LTBP4: variants seen among roughly 807,000 people sequenced by gnomAD.
The protein encoded by LTBP4 is latent-transforming growth factor beta-binding protein 4.
LTBP4 carries 93 observed loss-of-function variants against 180.2 expected under a neutral mutation model. The ratio of observed to expected loss-of-function variants is 0.52; its 90% CI spans 0.44 to 0.61. The LOEUF is 0.61. LTBP4 is among the 20% of genes least tolerant of loss of function. The pLI is 0.00. For missense variants in LTBP4, 2,116 were observed against 2,256.5 expected, an observed-to-expected ratio of 0.94 and a Z score of 1.26; for synonymous variants, 947 against 934.5, an observed-to-expected ratio of 1.01 and a Z score of -0.24.
upstream of LTBP4, among the ~76,000 whole-genome samples, chr19:40,598,163 C>A (rs1037662601): frequency 6.6e-6 from 1 of 151,808 alleles, no homozygotes; most frequent in Non-Finnish European, 1.5e-5. Flanking sequence ...ACAAAGGCCC[C>A]GGGCTCCTCT....
In LTBP4 at chr19:40,627,204, C is replaced by T. The variant is rs762549193; in HGVS notation, c.4215C>T (p.Asp1405=). ...REAPYGAPRF[D]MPDFEDDGGP... ...CTCCTTATGGGGCACCCCGCTTCGA[C>T]ATGCCAGACTTTGAGGACGATGGTG... is the stretch of plus-strand genomic sequence containing the variant. The change falls in exon 28 of 30, where the codon GAC becomes GAT. Residue 1405 remains aspartate (D), a synonymous_variant. Coordinates refer to ENST00000396819, the MANE Select transcript of LTBP4 (RefSeq NM_001042545.2). The T allele has an allele frequency of 2.3e-5, 37 of 1,610,948 alleles. No homozygotes were observed. In the East Asian group the frequency reaches 4.0e-4, roughly 17 times the overall value.
At chr19:40,612,948 C>A (rs1465202677) in intron 15 of LTBP4, 117 bp from the exon 16 acceptor site, 25 of 1,027,044 alleles carry the variant, frequency 2.4e-5, no homozygotes, top group Non-Finnish European at 3.5e-5. Flanking sequence ...ATAGAGCCCT[C>A]CCCCAGCCTC....
chr19:40,616,499 G>A lies in LTBP4; in HGVS notation c.2813-390G>A, dbSNP rs115124712. On this transcript the variant is annotated intron_variant, in intron 19 of 29. Transcript: ENST00000396819. ...TGTAATCCTAGGACTTGAGGAGGCC[G>A]AGGTGGACAGATCGCTTGAGGTCAG... Among the ~76,000 whole-genome samples the A allele has an allele frequency of 6.6e-3, 1,005 of 152,074 alleles. 12 individuals are homozygous for A. The highest frequency in any genetic ancestry group is 0.023 in the African/African-American group (973 of 41,500).
At chr19:40,619,988 G>C (rs2081574922) in intron 22 of LTBP4, among the ~76,000 whole-genome samples, 1 of 152,196 alleles carries the variant, frequency 6.6e-6, no homozygotes, top group African/African-American at 2.4e-5. Flanking sequence ...AAATGAGCCA[G>C]GCCCGATGAG....
At chr19:40,607,284 C>G (rs2081469973) in intron 6 of LTBP4, 81 bp from the exon 7 acceptor site, 1 of 259,580 alleles carries the variant, frequency 3.9e-6, no homozygotes, top group Non-Finnish European at 6.7e-6. Flanking sequence ...AACCCCAGAA[C>G]CATTCCCCTC....
intron 19 of LTBP4, among the ~76,000 whole-genome samples, chr19:40,615,716 G>A (rs1315483409): frequency 4.6e-5 from 7 of 152,082 alleles, no homozygotes; most frequent in African/African-American, 9.7e-5. Flanking sequence ...CCGAGATCGC[G>A]CCACTGCACT....
chr19:40,606,633 G>C, intron 6 of LTBP4, 107 bp downstream of exon 6: 1 of 1,415,254 alleles, frequency 7.1e-7, no homozygotes, highest in Non-Finnish European at 9.5e-7. Context: ...AGACTCCCGG[G>C]TTCCTCTGTC....
rs2081462333 is a variant in LTBP4 at position 40,606,424 on chromosome 19, G to C, written c.889G>C (p.Gly297Arg). ...GGCAGATGTGGATGAGTGCGCGACT[G>C]GCGGGCGCTGCCAGCACGGCGAGTG... Reference protein sequence around the residue: ...SCEDVDECATGGRCQHGECAN... With the variant: ...SCEDVDECATRGRCQHGECAN... The change falls in exon 6 of 30, where the codon GGC becomes CGC. Residue 297 changes from glycine to arginine, a missense_variant. This residue lies in a region of LTBP4 where 469 missense variants were observed against 532.5 expected (regional missense o/e 0.88). Transcript: ENST00000396819. 1 of 1,595,712 alleles carries C rather than the reference G, an allele frequency of 6.3e-7. No homozygotes were observed. Among genetic ancestry groups the C allele is most frequent in the Non-Finnish European group, 8.5e-7 (1 of 1,170,722 alleles).
In LTBP4 at chr19:40,607,516, A is replaced by T; in HGVS notation, c.1143A>T (p.Pro381=). The T allele has an allele frequency of 1.2e-6, 2 of 1,609,802 alleles. No homozygotes were observed. Among genetic ancestry groups the T allele is most frequent in the South Asian group, 2.2e-5 (2 of 90,474 alleles). ...GGGGCCGGGGCTGCCAGCTCTGCCCACCCTTCGGCTCAGGTGAGCCCCTGC... is the reference window on the plus strand; with the variant it reads ...GGGGCCGGGGCTGCCAGCTCTGCCCTCCCTTCGGCTCAGGTGAGCCCCTGC... The part of the protein sequence containing the change: ...KAWGRGCQLC[P]PFGSEGFREI... The change falls in exon 7 of 30, where the codon CCA becomes CCT. Residue 381 remains proline (P), a synonymous_variant. Coordinates refer to ENST00000396819, the MANE Select transcript of LTBP4 (RefSeq NM_001042545.2).
chr19:40,609,987 C>G lies in LTBP4; in HGVS notation c.1684+116C>G. ...CCTCTCGGGTCCCGCCCCAGGACTG[C>G]TCTGCCCTGGCCCTTGGCCCTGCCC... On this transcript the variant is annotated intron_variant, in intron 11 of 29. Coordinates refer to ENST00000396819, the MANE Select transcript of LTBP4 (RefSeq NM_001042545.2). This position sits in a 1 kb window ranked among gnomAD's most constrained non-coding sequence, Gnocchi z 4.9. The G allele has an allele frequency of 7.3e-7, 1 of 1,363,118 alleles. No individual in the cohort carries two copies. Among genetic ancestry groups the G allele is most frequent in the South Asian group, 1.5e-5 (1 of 66,140 alleles). The allele number at this position is 1,363,118 out of a possible 1,614,324, so 84.4% of individuals were successfully genotyped here.
In LTBP4 at chr19:40,609,857, C is replaced by T. The variant is rs1382344924; in HGVS notation, c.1670C>T (p.Ala557Val). ...CGPGFRAGPR[A>V]AECLDVDECH... is the part of the protein sequence containing the mutation. ...CCGGGCTTCCGAGCCGGCCCACGGG[C>T]TGCGGAATGCCTGGGTGAGAAATTT... is the stretch of plus-strand genomic sequence containing the variant. Residue 557 changes from alanine to valine, a missense_variant, in exon 11 of 30, where the codon GCT (alanine) becomes GTT (valine). By Grantham distance (64) the Ala-to-Val change is moderately conservative (BLOSUM62 0). Around this residue, in one of 5 missense-constraint regions of LTBP4, gnomAD observed 877 missense variants for 873.6 expected, o/e 1.00. Coordinates refer to ENST00000396819, the MANE Select transcript of LTBP4 (RefSeq NM_001042545.2). This position sits in a 1 kb window ranked among gnomAD's most constrained non-coding sequence, Gnocchi z 4.9. The T allele has an allele frequency of 1.9e-6, 3 of 1,579,272 alleles. No individual in the cohort carries two copies. Among genetic ancestry groups the T allele is most frequent in the Middle Eastern group, 1.9e-4 (1 of 5,348 alleles).
chr19:40,612,391 C>T (rs2081514405), intron 15 of LTBP4, among the ~76,000 whole-genome samples, 199 bp downstream of exon 15: 1 of 152,186 alleles, frequency 6.6e-6, no homozygotes, highest in Non-Finnish European at 1.5e-5. Context: ...TTGACAGTAA[C>T]ATTTGACCCT....
upstream of LTBP4, chr19:40,599,884 C>T (rs1034097729): frequency 8.2e-6 from 4 of 487,932 alleles, no homozygotes; most frequent in African/African-American, 4.0e-5. Flanking sequence ...CAACCCCCAT[C>T]ATCTCTCTTT....
At position 40,611,278 on chromosome 19, in the gene LTBP4, A is replaced by T; in HGVS notation, c.1937A>T (p.Glu646Val). Residue 646 changes from glutamate (E) to valine (V), a missense_variant, in exon 13 of 30, where the codon GAG becomes GTG. Glu to Val is a moderately radical substitution (Grantham distance 121, BLOSUM62 -2). Around this residue, in one of 5 missense-constraint regions of LTBP4, gnomAD observed 877 missense variants for 873.6 expected, o/e 1.00. Transcript: ENST00000396819. The surrounding 1 kb of genome is among the most constrained non-coding windows in gnomAD (Gnocchi z 4.4). Reference sequence around the variant, plus strand: ...TCGGCGTGTGAAGAGGATGTGGATGAGTGTGCCCAGGAGCCGCCGCCCTGT... The same window carrying T: ...TCGGCGTGTGAAGAGGATGTGGATGTGTGTGCCCAGGAGCCGCCGCCCTGT... ...RGSACEEDVDECAQEPPPCGP... is the reference protein window; with the variant it reads ...RGSACEEDVDVCAQEPPPCGP... The T allele has an allele frequency of 6.2e-7, 1 of 1,612,152 alleles. No homozygotes were observed. The highest frequency in any genetic ancestry group is 1.7e-4 in the Middle Eastern group (1 of 5,884).
At position 40,611,980 on chromosome 19, in the gene LTBP4, C is replaced by G; in HGVS notation, c.2175C>G (p.Cys725Trp). The change falls in exon 14 of 30, where the codon TGC becomes TGG. Residue 725 changes from cysteine (C) to tryptophan (W), a missense_variant. Cys to Trp is a radical substitution (Grantham distance 215). Coordinates refer to ENST00000396819, the MANE Select transcript of LTBP4 (RefSeq NM_001042545.2). This position sits in a 1 kb window ranked among gnomAD's most constrained non-coding sequence, Gnocchi z 4.4. The stretch of plus-strand genomic sequence containing the variant: ...AACCCAACACTGCTGGCTCCGAGTG[C>G]GAGGGTGAGGCCGGGGAGGGAGGGA... ...GFQPNTAGSE[C>W]EDVDECENHL... The G allele has an allele frequency of 6.2e-7, 1 of 1,611,810 alleles. No individual in the cohort carries two copies. Among genetic ancestry groups the G allele is most frequent in the Non-Finnish European group, 8.5e-7 (1 of 1,178,898 alleles).
At chr19:40,608,115 C>A in intron 7 of LTBP4, 105 bp from the exon 8 acceptor site, 3 of 1,270,268 alleles carry the variant, frequency 2.4e-6, no homozygotes, top group Non-Finnish European at 3.3e-6. Flanking sequence ...AAACCCCTGA[C>A]ACTCTCCAGC....
chr19:40,621,098 C>T (rs1344196466), intron 22 of LTBP4, among the ~76,000 whole-genome samples: 1 of 152,218 alleles, frequency 6.6e-6, no homozygotes, highest in African/African-American at 2.4e-5. Context: ...TCCGCCACCA[C>T]GCCCAGCTAA....
rs1290579794 is a variant in LTBP4 at position 40,611,199 on chromosome 19, T to G, written c.1858T>G (p.Cys620Gly). 1 of 1,613,670 alleles carries G rather than the reference T, an allele frequency of 6.2e-7. No homozygotes were observed. Among genetic ancestry groups the G allele is most frequent in the South Asian group, 1.1e-5 (1 of 91,074 alleles). The change falls in exon 13 of 30, where the codon TGC (cysteine) becomes GGC (glycine). Residue 620 changes from cysteine (C) to glycine (G), a missense_variant. Transcript: ENST00000396819. This position sits in a 1 kb window ranked among gnomAD's most constrained non-coding sequence, Gnocchi z 4.4. ...CCCAGGCCTGTGTGGCCGAGGGGCC[T>G]GCAAGAACCTGCCTGGCTCTTTCCG... Reference protein sequence around the residue: ...QSPGLCGRGACKNLPGSFRCV... With the variant: ...QSPGLCGRGAGKNLPGSFRCV...
At position 40,611,444 on chromosome 19, in the gene LTBP4, T is replaced by A. The variant is rs2081505746; in HGVS notation, c.2053+50T>A. 1 of 1,559,926 alleles carries A rather than the reference T, an allele frequency of 6.4e-7. No homozygotes were observed. The highest frequency in any genetic ancestry group is 1.4e-5 in the African/African-American group (1 of 73,830). ...CTCCATCACTGTTTGCTGTGGAGAC[T>A]GGAGAGAGATTATTGAGGGGCAGAG... On this transcript the variant is annotated intron_variant, in intron 13 of 29. Coordinates refer to ENST00000396819, the MANE Select transcript of LTBP4 (RefSeq NM_001042545.2). The surrounding 1 kb of genome is among the most constrained non-coding windows in gnomAD (Gnocchi z 4.4).
Sources: gnomAD v4.1 joint callset for allele counts (sites outside exome capture counted in the v4.1 genomes callset) on GRCh38, gnomAD v4.1.1 for gene constraint, gnomAD v4.1.1 regional missense constraint, Gnocchi (gnomAD v3.1) non-coding constraint, MANE v1.5 for transcripts, NCBI Gene and HGNC (gene_info 2026-07-23, HGNC 2026-07-21) for gene names.